PIK3CB: variants seen among roughly 807,000 people sequenced by gnomAD.
PIK3CB encodes the protein phosphatidylinositol 4,5-bisphosphate 3-kinase catalytic subunit beta isoform.
Under a neutral mutation model 136.8 loss-of-function variants are expected in PIK3CB, and 39 were observed. The ratio of observed to expected loss-of-function variants is 0.29; its 90% CI spans 0.22 to 0.37. PIK3CB has a LOEUF of 0.37. PIK3CB is among the 10% of genes least tolerant of loss of function. The pLI is 1.00. For missense variants in PIK3CB, 868 were observed against 1,275.4 expected (o/e 0.68, Z 4.87); for synonymous variants, 428 against 436.6 (o/e 0.98, Z 0.25).
chr3:138,741,978 C>G (rs764516291), intron 5 of PIK3CB, among the ~76,000 whole-genome samples: 6 of 152,250 alleles, frequency 3.9e-5, no homozygotes, highest in Non-Finnish European at 7.4e-5. Context: ...TATATCAACT[C>G]TATTATAATG....
intron 1 of PIK3CB, among the ~76,000 whole-genome samples, chr3:138,831,097 A>G (rs1934014206): frequency 6.9e-6 from 1 of 145,638 alleles, no homozygotes; most frequent in Admixed American, 6.9e-5. Context: ...CCTGACTAAC[A>G]CGGTGAAACC....
intron 1 of PIK3CB, among the ~76,000 whole-genome samples, chr3:138,809,081 C>A (rs2046265152): frequency 6.6e-6 from 1 of 151,734 alleles, no homozygotes. Context: ...CAAGATCATC[C>A]TGGCCAACAT....
chr3:138,814,157 A>G (rs1933195725), intron 1 of PIK3CB, among the ~76,000 whole-genome samples: 1 of 152,090 alleles, frequency 6.6e-6, no homozygotes, highest in Admixed American at 6.6e-5. Flanking sequence ...TATAAACTCA[A>G]ACAGTCTGGT....
intron 8 of PIK3CB, among the ~76,000 whole-genome samples, chr3:138,729,572 T>C: frequency 6.6e-6 from 1 of 152,168 alleles, no homozygotes; most frequent in East Asian, 1.9e-4. Context: ...CTTGACTGCC[T>C]TGTAACTGGG....
At chr3:138,672,020 G>A (rs1484304632) in intron 19 of PIK3CB, among the ~76,000 whole-genome samples, 2 of 152,006 alleles carry the variant, frequency 1.3e-5, no homozygotes, top group Non-Finnish European at 2.9e-5. Flanking sequence ...GATAACGCTT[G>A]GTACTGTGGT....
chr3:138,761,612 A>T (rs2045662707), intron 2 of PIK3CB, among the ~76,000 whole-genome samples: 1 of 152,144 alleles, frequency 6.6e-6, no homozygotes. Flanking sequence ...TCTACTAAAA[A>T]TACAAAAATT....
At chr3:138,730,335 C>T (rs1363002182) in intron 8 of PIK3CB, among the ~76,000 whole-genome samples, 3 of 152,032 alleles carry the variant, frequency 2.0e-5, no homozygotes, top group Non-Finnish European at 2.9e-5. Flanking sequence ...AGGAATAACG[C>T]ATAATGCTTG....
chr3:138,770,900 C>T (rs914026994), intron 2 of PIK3CB, among the ~76,000 whole-genome samples: 15 of 151,598 alleles, frequency 9.9e-5, no homozygotes, highest in African/African-American at 2.9e-4. Context: ...TTAGTAGAGA[C>T]GGGGTTTCAC....
rs1461713437 is a variant in PIK3CB, at chr3:138,734,690, G to A, written c.916C>T (p.Arg306Ter). ...GGAAGAGGAAGATTAGATGAATTTC[G>A]ATTTATGGCAGCCTCTATGGCAATC... ...EMIAIEAAIN[R>*]NSSNLPLPLP... The change falls in exon 7 of 24, where the codon CGA becomes TGA. Residue 306 changes from arginine (R) to a stop codon, truncating the protein, a stop_gained. Coordinates refer to ENST00000674063, the MANE Select transcript of PIK3CB (RefSeq NM_006219.3). LOFTEE classifies it high-confidence loss of function. 2 of 1,612,598 alleles carry A rather than the reference G, an allele frequency of 1.2e-6. No homozygotes were observed. The highest frequency in any genetic ancestry group is 1.7e-6 in the Non-Finnish European group (2 of 1,178,934).
chr3:138,750,785 C>T (rs541513972), intron 4 of PIK3CB, among the ~76,000 whole-genome samples: 224 of 152,316 alleles, frequency 1.5e-3, no homozygotes, highest in Middle Eastern at 3.4e-3. Flanking sequence ...TCAGATTCCA[C>T]ATTTAAGTGA....
intron 1 of PIK3CB, among the ~76,000 whole-genome samples, chr3:138,823,498 A>C (rs1420548685): frequency 6.6e-6 from 1 of 151,792 alleles, no homozygotes; most frequent in Non-Finnish European, 1.5e-5. Context: ...AGGTCAGGAG[A>C]TCGAGACCAT....
chr3:138,709,388 AT>A (rs1245014752), intron 10 of PIK3CB, among the ~76,000 whole-genome samples: 1 of 152,166 alleles, frequency 6.6e-6, no homozygotes, highest in Non-Finnish European at 1.5e-5. Context: ...ATATGTAGAT[AT>A]GGTGAATAAA....
chr3:138,759,701 A>T (rs1016394974), intron 2 of PIK3CB, among the ~76,000 whole-genome samples: 3 of 152,168 alleles, frequency 2.0e-5, no homozygotes, highest in Non-Finnish European at 2.9e-5. Flanking sequence ...AATTCAACAT[A>T]GATATTTGAC....
At chr3:138,746,842 C>T (rs922695126) in intron 4 of PIK3CB, among the ~76,000 whole-genome samples, 6 of 150,776 alleles carry the variant, frequency 4.0e-5, no homozygotes, top group Non-Finnish European at 8.9e-5. Context: ...TTATAGCAAT[C>T]CTGCACCCAC....
intron 1 of PIK3CB, among the ~76,000 whole-genome samples, chr3:138,820,309 C>A (rs762576932): frequency 2.0e-5 from 3 of 152,188 alleles, no homozygotes; most frequent in African/African-American, 7.2e-5. Context: ...CCTTTCACAT[C>A]TCAATTCAAA....
chr3:138,744,489 G>C (rs1165848009), intron 4 of PIK3CB, among the ~76,000 whole-genome samples: 2 of 151,056 alleles, frequency 1.3e-5, no homozygotes, highest in Non-Finnish European at 2.9e-5. Context: ...GAGGAGGAGG[G>C]GGAGAGGTTA....
At chr3:138,733,324 G>A (rs2045029294) in intron 8 of PIK3CB, 37 bp downstream of exon 8, 1 of 922,508 alleles carries the variant, frequency 1.1e-6, no homozygotes, top group African/African-American at 1.6e-5. Context: ...TCAAATACTG[G>A]AGCGGATGGC....
At chr3:138,815,396 A>G (rs1223803498) in intron 1 of PIK3CB, among the ~76,000 whole-genome samples, 1 of 142,948 alleles carries the variant, frequency 7.0e-6, no homozygotes, top group Non-Finnish European at 1.5e-5. Flanking sequence ...CCATAACAAA[A>G]GATTACAAAT....
intron 2 of PIK3CB, among the ~76,000 whole-genome samples, chr3:138,795,042 G>A (rs1043436264): frequency 1.7e-4 from 26 of 152,094 alleles, no homozygotes; most frequent in Admixed American, 1.5e-3. Flanking sequence ...TATCTCAGCC[G>A]GGCGCGGTGG....
Sources: allele counts gnomAD v4.1 joint callset (sites outside exome capture counted in the v4.1 genomes callset), GRCh38; gene constraint gnomAD v4.1.1; transcripts MANE v1.5; gene names NCBI Gene and HGNC (gene_info 2026-07-23, HGNC 2026-07-21).